ACAA2: variants seen among roughly 807,000 people sequenced by gnomAD.
ACAA2 encodes the protein 3-ketoacyl-CoA thiolase, mitochondrial.
In ACAA2, 35 loss-of-function variants were observed where a neutral mutation model predicts 44.8. The observed-to-expected ratio is 0.78, with a 90% CI of 0.60 to 1.04. The LOEUF is 1.04. Ranked by LOEUF, ACAA2 falls within the 50% of genes least tolerant of loss-of-function variation. The pLI, the probability that ACAA2 is intolerant of heterozygous loss-of-function variation, is 0.00. For missense variants in ACAA2, 468 were observed against 482.6 expected (o/e 0.97, Z 0.28); for synonymous variants, 142 against 166.5 (o/e 0.85, Z 1.13).
chr18:49,804,019 T>C (rs972560829), intron 1 of ACAA2, among the ~76,000 whole-genome samples: 6 of 151,680 alleles, frequency 4.0e-5, no homozygotes, highest in Non-Finnish European at 7.4e-5. Flanking sequence ...CAAGTGATTC[T>C]CCTGCCTCAG....
chr18:49,805,773 T>C (rs895450833), intron 1 of ACAA2, among the ~76,000 whole-genome samples: 8 of 151,338 alleles, frequency 5.3e-5, no homozygotes, highest in African/African-American at 1.7e-4. Context: ...TTTTTTTTTG[T>C]AGAGATGGGG....
intron 1 of ACAA2, chr18:49,812,755 A>G (rs1157387497): frequency 1.3e-5 from 2 of 152,208 alleles, no homozygotes; most frequent in African/African-American, 4.8e-5. Flanking sequence ...GCCCTGGAGC[A>G]CCAAAATGCT....
intron 1 of ACAA2, chr18:49,811,513 G>A (rs62100245): frequency 6.6e-6 from 1 of 152,078 alleles, no homozygotes; most frequent in Non-Finnish European, 1.5e-5. Context: ...CCTAGGAGCC[G>A]GTTCTTCTTG....
chr18:49,808,058 G>C (rs551317380), intron 1 of ACAA2, among the ~76,000 whole-genome samples: 1 of 148,558 alleles, frequency 6.7e-6, no homozygotes, highest in African/African-American at 2.5e-5. Context: ...TACTAAAGAA[G>C]ATATACAGAT....
chr18:49,808,912 G>A (rs777858472), intron 1 of ACAA2, among the ~76,000 whole-genome samples: 3 of 152,054 alleles, frequency 2.0e-5, no homozygotes, highest in South Asian at 2.1e-4. Context: ...ACCAAGAAGC[G>A]TTTTTTCCCC....
chr18:49,797,739 G>T, intron 2 of ACAA2, 145 bp from the exon 3 acceptor site: 1 of 561,842 alleles, frequency 1.8e-6, no homozygotes, highest in East Asian at 3.3e-5. Context: ...TCTAAGTACA[G>T]CATATTATAT....
rs1254551244 is a variant in ACAA2 at position 49,795,740 on chromosome 18, T to C, written c.429+25A>G. Reference sequence around the variant, plus strand: ...TTATATAATGCTAATAAGAACTAATTCTTTTAAATTTTTATGGTTCCAACC... The same window carrying C: ...TTATATAATGCTAATAAGAACTAATCCTTTTAAATTTTTATGGTTCCAACC... On this transcript the variant is annotated intron_variant, in intron 4 of 9. Coordinates refer to ENST00000285093, the MANE Select transcript of ACAA2 (RefSeq NM_006111.3). 5 of 1,425,980 alleles carry C rather than the reference T, an allele frequency of 3.5e-6. No homozygotes were observed. The Admixed American group carries it at 8.7e-5, about 25-fold the overall frequency. 88.3% of individuals were successfully genotyped at this position (1,425,980 alleles called of 1,614,324 possible).
intron 5 of ACAA2, among the ~76,000 whole-genome samples, chr18:49,793,989 C>G (rs891623553): frequency 2.6e-5 from 4 of 152,306 alleles, no homozygotes; most frequent in East Asian, 1.9e-4. Flanking sequence ...TATTCCTCAT[C>G]ATGTTCTACT....
At position 49,800,208 on chromosome 18, in the gene ACAA2, C is replaced by G. The variant is rs561670315; in HGVS notation, c.183+2479G>C. ...CAGCCCCCCGCCCGGCCAGCCGCCCCGTCCGGGAGGTGGGGGGGTCAGCCC... is the reference window on the plus strand; with the variant it reads ...CAGCCCCCCGCCCGGCCAGCCGCCCGGTCCGGGAGGTGGGGGGGTCAGCCC... On this transcript the variant is annotated intron_variant, in intron 2 of 9. Transcript: ENST00000285093. 9.5e-3 allele frequency among the ~76,000 whole-genome samples: 1,303 copies of G among 137,300 alleles called. 16 individuals are homozygous for G. The highest frequency in any genetic ancestry group is 0.025 in the South Asian group (105 of 4,270). The allele number at this position is 137,300 out of a possible 152,430, so 90.1% of individuals were successfully genotyped here.
chr18:49,810,877 G>A (rs1415742674), intron 1 of ACAA2, among the ~76,000 whole-genome samples: 1 of 143,664 alleles, frequency 7.0e-6, no homozygotes, highest in African/African-American at 2.6e-5. Context: ...TGTAGAGACT[G>A]GGTTTCTCTA....
chr18:49,795,944 C>T, intron 3 of ACAA2, 63 bp from the exon 4 acceptor site: 2 of 997,650 alleles, frequency 2.0e-6, no homozygotes, highest in African/African-American at 1.6e-5. Context: ...TATTAAGAAA[C>T]ACACTGATTT....
intron 7 of ACAA2, among the ~76,000 whole-genome samples, chr18:49,789,461 G>C (rs1231980229): frequency 6.6e-6 from 1 of 152,096 alleles, no homozygotes; most frequent in Non-Finnish European, 1.5e-5. Flanking sequence ...CAAGCCCCGA[G>C]GAAAAATGAC....
At chr18:49,801,442 A>G (rs1246126549) in intron 2 of ACAA2, among the ~76,000 whole-genome samples, 2 of 152,220 alleles carry the variant, frequency 1.3e-5, no homozygotes, top group African/African-American at 4.8e-5. Context: ...GGAAGTATCC[A>G]ATTTCTATTC....
In ACAA2 at chr18:49,792,157, C is replaced by T. The variant is rs1382837096; in HGVS notation, c.748G>A (p.Ala250Thr). 1 of 1,612,682 alleles carries T rather than the reference C, an allele frequency of 6.2e-7. No individual in the cohort carries two copies. Among genetic ancestry groups the T allele is most frequent in the South Asian group, 1.1e-5 (1 of 90,946 alleles). The change falls in exon 6 of 10, where the codon GCA (alanine) becomes ACA (threonine). Residue 250 changes from alanine to threonine, a missense_variant. Transcript: ENST00000285093. ...ATCTGTGTGGTGATACCAACCGATG[C>T]ATTCCCTGCAGTAACAGTTCCATCT... ...KKDGTVTAGNASGVADGAGAV... is the reference protein window; with the variant it reads ...KKDGTVTAGNTSGVADGAGAV...
At chr18:49,789,788 A>G (rs2023376899) in intron 7 of ACAA2, among the ~76,000 whole-genome samples, 1 of 151,920 alleles carries the variant, frequency 6.6e-6, no homozygotes, top group East Asian at 1.9e-4. Flanking sequence ...GTTTGAGATC[A>G]GCCTGGCCAA....
chr18:49,809,790 C>T (rs1183618407), intron 1 of ACAA2, among the ~76,000 whole-genome samples: 2 of 152,204 alleles, frequency 1.3e-5, no homozygotes, highest in Non-Finnish European at 2.9e-5. Flanking sequence ...CACTATAATA[C>T]TGACATCGGT....
rs2023459149 is a variant in ACAA2, at chr18:49,795,853, A to C, written c.341T>G (p.Val114Gly). ...QEICVKEAEV[V>G]LCGGTESMSQ... The stretch of plus-strand genomic sequence containing the variant: ...CATGCTTTCGGTTCCTCCACATAAA[A>C]CAACTTCAGCTTCTTTAACACAAAT... Residue 114 changes from valine (V) to glycine (G), a missense_variant, in exon 4 of 10, where the codon GTT becomes GGT. By Grantham distance (109) the Val-to-Gly change is moderately radical. Transcript: ENST00000285093. 6.8e-6 allele frequency: 11 copies of C among 1,612,106 alleles called. No individual in the cohort carries two copies. The highest frequency in any genetic ancestry group is 8.5e-6 in the Non-Finnish European group (10 of 1,179,070).
rs527571698 is a variant in ACAA2, at chr18:49,804,100, G to A, written c.17-1247C>T. Among the ~76,000 whole-genome samples, 13 of 152,032 alleles carry A rather than the reference G, an allele frequency of 8.6e-5. No homozygotes were observed. The East Asian group carries it at 2.3e-3, about 27-fold the overall frequency. On this transcript the variant is annotated intron_variant, in intron 1 of 9. Coordinates refer to ENST00000285093, the MANE Select transcript of ACAA2 (RefSeq NM_006111.3). ...TAATTTTTGTATTTTTAGTAGAGAC[G>A]GGGTTTCACCATGTTGGCCAGGCTG...
chr18:49,802,346 G>A (rs148641639), intron 2 of ACAA2, among the ~76,000 whole-genome samples: 223 of 152,036 alleles, frequency 1.5e-3, no homozygotes, highest in African/African-American at 5.2e-3. Flanking sequence ...GGAGAATCAC[G>A]AGGTCAAGAG....
Sources: allele counts gnomAD v4.1 joint callset (sites outside exome capture counted in the v4.1 genomes callset), GRCh38; gene constraint gnomAD v4.1.1; transcripts MANE v1.5; gene names NCBI Gene and HGNC (gene_info 2026-07-23, HGNC 2026-07-21).